The following C2orf81 variants were observed in gnomAD, a reference collection of about 807,000 sequenced individuals.
The protein encoded by C2orf81 is uncharacterized protein C2orf81.
In C2orf81, 5 loss-of-function variants were observed where a neutral mutation model predicts 7.9. The ratio of observed to expected loss-of-function variants is 0.63; its 90% confidence interval spans 0.33 to 1.33. The LOEUF (loss-of-function observed/expected upper bound fraction) is 1.33, where lower values mean the gene tolerates loss of function less well. Among genes scored for constraint, C2orf81 ranks in the 40% most tolerant of loss-of-function variants. The pLI is 0.05. For synonymous variants in C2orf81, 346 were observed against 367.4 expected, an observed-to-expected ratio of 0.94 and a Z score of 0.66; for missense variants, 781 against 830.4, an observed-to-expected ratio of 0.94 and a Z score of 0.73.
chr2:74,416,949 T>C (rs1318892104), intron 1 of C2orf81, among the ~76,000 whole-genome samples: 1 of 152,100 alleles, frequency 6.6e-6, no homozygotes, highest in Non-Finnish European at 1.5e-5. Flanking sequence ...CCCTACATGC[T>C]TTATGGTGGA....
Position 74,414,678 on chromosome 2 carries a change from C to A in C2orf81, c.1499G>T (p.Ser500Ile). ...ARSRSPKLWP[S>I]VRWPSGWEGK... ...CTCCCAACCGCTGGGCCACCTGACACTGGGCCACAGCTTGGGGCTGCGGCT... is the reference window on the plus strand; with the variant it reads ...CTCCCAACCGCTGGGCCACCTGACAATGGGCCACAGCTTGGGGCTGCGGCT... Residue 500 changes from serine (S) to isoleucine (I), a missense_variant, in exon 3 of 3, where the codon AGT (serine) becomes ATT (isoleucine). Ser to Ile is a moderately radical substitution (Grantham distance 142). Coordinates refer to ENST00000684111, the MANE Select transcript of C2orf81 (RefSeq NM_001316764.3). The surrounding 1 kb of genome is among the most constrained non-coding windows in gnomAD (Gnocchi z 5.3). The A allele has an allele frequency of 6.5e-7, 1 of 1,547,134 alleles. No individual in the cohort carries two copies. The highest frequency in any genetic ancestry group is 1.2e-5 in the South Asian group (1 of 83,472).
In C2orf81 at chr2:74,415,172, G is replaced by A. The variant is rs1676413862; in HGVS notation, c.1005C>T (p.Tyr335=). The change falls in exon 3 of 3, where the codon TAC becomes TAT. Residue 335 remains tyrosine (Y), a synonymous_variant. Coordinates refer to ENST00000684111, the MANE Select transcript of C2orf81 (RefSeq NM_001316764.3). The surrounding 1 kb of genome is among the most constrained non-coding windows in gnomAD (Gnocchi z 5.5). Reference sequence around the variant, plus strand: ...GGCGGGTGGCGCCGCCCACAGAGGGGTAGGACACCAACACGCCCGAGGCGA... The same window carrying A: ...GGCGGGTGGCGCCGCCCACAGAGGGATAGGACACCAACACGCCCGAGGCGA... The part of the protein sequence containing the change: ...PCIASGVLVS[Y]PSVGGATRPS... The A allele has an allele frequency of 1.3e-6, 2 of 1,545,218 alleles. No individual in the cohort carries two copies. The highest frequency in any genetic ancestry group is 2.7e-5 in the African/African-American group (2 of 72,854).
intron 1 of C2orf81, among the ~76,000 whole-genome samples, chr2:74,420,025 C>T (rs1014166107): frequency 5.3e-5 from 8 of 152,126 alleles, no homozygotes; most frequent in Non-Finnish European, 5.9e-5. Flanking sequence ...GCCCACCTTG[C>T]AGGCATGAGC....
At chr2:74,417,787 C>T in intron 1 of C2orf81, 1 of 522,050 alleles carries the variant, frequency 1.9e-6, no homozygotes, top group Non-Finnish European at 3.4e-6. Flanking sequence ...ACCAAAAGCC[C>T]AGAGAGCAAT....
rs1356568622 is a variant in C2orf81, at chr2:74,415,325, G to C, written c.852C>G (p.Pro284=). Residue 284 remains proline (P), a synonymous_variant, in exon 3 of 3, where the codon CCC becomes CCG. Transcript: ENST00000684111. This position sits in a 1 kb window ranked among gnomAD's most constrained non-coding sequence, Gnocchi z 5.5. ...GGTGTCCCCTCCCAGTTGAGGCCTG[G>C]GGGCTGGCTACCAGGTACGGATCCA... The part of the protein sequence containing the change: ...PSLDPYLVAS[P]QASTGRGHPL... 6.5e-7 allele frequency: 1 copy of C among 1,543,660 alleles called. No homozygotes were observed. The highest frequency in any genetic ancestry group is 2.0e-5 in the Admixed American group (1 of 50,114).
rs1676409010 is a variant in C2orf81, at chr2:74,415,089, T to C, written c.1088A>G (p.His363Arg). The change falls in exon 3 of 3, where the codon CAC becomes CGC. Residue 363 changes from histidine to arginine, a missense_variant. Transcript: ENST00000684111. The surrounding 1 kb of genome is among the most constrained non-coding windows in gnomAD (Gnocchi z 5.5). Reference protein sequence around the residue: ...AGHSDVRLSAHHHRMRRKAAV... With the variant: ...AGHSDVRLSARHHRMRRKAAV... ...CGCCTTGCGGCGCATCCTGTGGTGGTGGGCGCTCAGCCGCACATCCGAGTG... is the reference window on the plus strand; with the variant it reads ...CGCCTTGCGGCGCATCCTGTGGTGGCGGGCGCTCAGCCGCACATCCGAGTG... 6.5e-7 allele frequency: 1 copy of C among 1,547,660 alleles called. No homozygotes were observed. The highest frequency in any genetic ancestry group is 8.7e-7 in the Non-Finnish European group (1 of 1,145,428).
At chr2:74,419,227 A>G (rs1385412445) in intron 1 of C2orf81, among the ~76,000 whole-genome samples, 2 of 151,928 alleles carry the variant, frequency 1.3e-5, no homozygotes, top group East Asian at 3.9e-4. Flanking sequence ...AAGAAGAAAA[A>G]TGGCCAGGCA....
At chr2:74,417,109 G>A (rs916516343) in intron 1 of C2orf81, among the ~76,000 whole-genome samples, 10 of 152,230 alleles carry the variant, frequency 6.6e-5, no homozygotes, top group African/African-American at 2.2e-4. Flanking sequence ...AACATTTGGC[G>A]CTGCTAGCAG....
chr2:74,418,172 C>T, intron 1 of C2orf81: 1 of 1,132,666 alleles, frequency 8.8e-7, no homozygotes, highest in East Asian at 2.5e-5. Context: ...TCCTCCTTCT[C>T]CAGTTTTTTG....
chr2:74,414,873 A>G lies in C2orf81; in HGVS notation c.1304T>C (p.Phe435Ser), dbSNP rs754533234. Residue 435 changes from phenylalanine (F) to serine (S), a missense_variant, in exon 3 of 3, where the codon TTC becomes TCC. Phe to Ser is a radical substitution (Grantham distance 155). Transcript: ENST00000684111. This position sits in a 1 kb window ranked among gnomAD's most constrained non-coding sequence, Gnocchi z 5.3. ...GAAAGGAATGCCTGGCCGGAGAGGG[A>G]AGAACGCTGCCGGGGAGACACGGGT... ...PGTRVSPAAF[F>S]PLRPGIPFRD... 6.5e-7 allele frequency: 1 copy of G among 1,549,630 alleles called. No homozygotes were observed. Among genetic ancestry groups the G allele is most frequent in the Non-Finnish European group, 8.7e-7 (1 of 1,145,666 alleles).
rs1232687457 is a variant in C2orf81 at position 74,415,145 on chromosome 2, G to A, written c.1032C>T (p.Pro344=). ...CCCGCTGCTGCTGGCAGGACGCGGA[G>A]GGGCGGGTGGCGCCGCCCACAGAGG... ...SYPSVGGATR[P]SASCQQQRAG... Residue 344 remains proline, a synonymous_variant, in exon 3 of 3, where the codon CCC becomes CCT. Transcript: ENST00000684111. This position sits in a 1 kb window ranked among gnomAD's most constrained non-coding sequence, Gnocchi z 5.5. 3 of 1,537,798 alleles carry A rather than the reference G, an allele frequency of 2.0e-6. No individual in the cohort carries two copies. Among genetic ancestry groups the A allele is most frequent in the Middle Eastern group, 1.7e-4 (1 of 5,950 alleles).
rs2103828618 is a variant in C2orf81, at chr2:74,415,267, A to G, written c.910T>C (p.Tyr304His). ...GCGTCCAGTTGAGGCATGCAACAGT[A>G]GAGGTCTTCCAACGACAAATGGAAG... ...LGFHLSLEDLYCCMPQLDAAG... is the reference protein window; with the variant it reads ...LGFHLSLEDLHCCMPQLDAAG... The change falls in exon 3 of 3, where the codon TAC becomes CAC. Residue 304 changes from tyrosine to histidine, a missense_variant. Coordinates refer to ENST00000684111, the MANE Select transcript of C2orf81 (RefSeq NM_001316764.3). This position sits in a 1 kb window ranked among gnomAD's most constrained non-coding sequence, Gnocchi z 5.5. The G allele has an allele frequency of 3.2e-6, 5 of 1,551,404 alleles. No individual in the cohort carries two copies. The highest frequency in any genetic ancestry group is 2.6e-6 in the Non-Finnish European group (3 of 1,146,972).
At chr2:74,418,585 G>A in intron 1 of C2orf81, 1 of 651,162 alleles carries the variant, frequency 1.5e-6, no homozygotes, top group Admixed American at 2.4e-5. Context: ...AGCCGCCCCT[G>A]GTCGCAAATG....
chr2:74,414,976 G>A lies in C2orf81; in HGVS notation c.1201C>T (p.Pro401Ser). ...EVLVPDSQTRPLEAYRGRQRG... is the reference protein window; with the variant it reads ...EVLVPDSQTRSLEAYRGRQRG... ...TGGCGTCCGCGGTAGGCTTCCAAGG[G>A]GCGTGTTTGAGAGTCTGGGACCAGG... Residue 401 changes from proline (P) to serine (S), a missense_variant, in exon 3 of 3, where the codon CCC becomes TCC. Physicochemically the swap from Pro to Ser is moderately conservative, Grantham distance 74. Coordinates refer to ENST00000684111, the MANE Select transcript of C2orf81 (RefSeq NM_001316764.3). The surrounding 1 kb of genome is among the most constrained non-coding windows in gnomAD (Gnocchi z 5.3). 6.5e-7 allele frequency: 1 copy of A among 1,548,830 alleles called. No individual in the cohort carries two copies. Among genetic ancestry groups the A allele is most frequent in the Non-Finnish European group, 8.7e-7 (1 of 1,146,194 alleles).
rs1676422705 is a variant in C2orf81, at chr2:74,415,343, C to CGGATCCAGAGAAG, written c.821_833dup (p.Tyr279PhefsTer117). On this transcript the variant is annotated frameshift_variant, in exon 3 of 3. Coordinates refer to ENST00000684111, the MANE Select transcript of C2orf81 (RefSeq NM_001316764.3). LOFTEE classifies it low-confidence loss of function (END_TRUNC). The surrounding 1 kb of genome is among the most constrained non-coding windows in gnomAD (Gnocchi z 5.5). Reference sequence around the variant, plus strand: ...AGGCCTGGGGGCTGGCTACCAGGTACGGATCCAGAGAAGGGTCGGCATCGT... The same window carrying CGGATCCAGAGAAG: ...AGGCCTGGGGGCTGGCTACCAGGTACGGATCCAGAGAAGGGATCCAGAGAAGGGTCGGCATCGT... 1 of 1,532,928 alleles carries CGGATCCAGAGAAG rather than the reference C, an allele frequency of 6.5e-7. No homozygotes were observed. Among genetic ancestry groups the CGGATCCAGAGAAG allele is most frequent in the African/African-American group, 1.4e-5 (1 of 72,412 alleles). 95.0% of individuals were successfully genotyped at this position (1,532,928 alleles called of 1,614,324 possible).
At position 74,415,492 on chromosome 2, in the gene C2orf81, C is replaced by G. The variant is rs1463873289; in HGVS notation, c.685G>C (p.Glu229Gln). 3.9e-6 allele frequency: 6 copies of G among 1,542,856 alleles called. No individual in the cohort carries two copies. The highest frequency in any genetic ancestry group is 4.4e-6 in the Non-Finnish European group (5 of 1,140,494). The change falls in exon 3 of 3, where the codon GAG becomes CAG. Residue 229 changes from glutamate to glutamine, a missense_variant. Physicochemically the swap from Glu to Gln is conservative, Grantham distance 29. Transcript: ENST00000684111. The surrounding 1 kb of genome is among the most constrained non-coding windows in gnomAD (Gnocchi z 5.5). The stretch of plus-strand genomic sequence containing the variant: ...CCGGGCCCTGCCTCCTGAAACAGCT[C>G]TGATGTGGGAGGAGGGGCCGACGTG... ...RVTSAPPPTS[E>Q]LFQEAGPGGP... is the part of the protein sequence containing the mutation.
At chr2:74,416,294 A>G in intron 1 of C2orf81, 53 bp from the exon 2 acceptor site, 1 of 1,243,052 alleles carries the variant, frequency 8.0e-7, no homozygotes, top group Non-Finnish European at 1.1e-6. Context: ...GTGGAACGGA[A>G]GAGTAGCTAT....
chr2:74,415,669 C>A lies in C2orf81; in HGVS notation c.508G>T (p.Ala170Ser). The change falls in exon 3 of 3, where the codon GCT becomes TCT. Residue 170 changes from alanine to serine, a missense_variant. By Grantham distance (99) the Ala-to-Ser change is moderately conservative. Coordinates refer to ENST00000684111, the MANE Select transcript of C2orf81 (RefSeq NM_001316764.3). The surrounding 1 kb of genome is among the most constrained non-coding windows in gnomAD (Gnocchi z 5.5). Reference protein sequence around the residue: ...SGASPDSSAIAPALPFPTSHC... With the variant: ...SGASPDSSAISPALPFPTSHC... ...GATGTCGGAAAGGGGAGAGCAGGAG[C>A]AATGGCAGAGGAGTCCGGAGAGGCT... The A allele has an allele frequency of 6.4e-7, 1 of 1,551,358 alleles. No homozygotes were observed. The highest frequency in any genetic ancestry group is 8.7e-7 in the Non-Finnish European group (1 of 1,146,992).
chr2:74,415,073 G>A lies in C2orf81; in HGVS notation c.1104C>T (p.Arg368=), dbSNP rs1676408089. 1 of 1,548,020 alleles carries A rather than the reference G, an allele frequency of 6.5e-7. No homozygotes were observed. Among genetic ancestry groups the A allele is most frequent in the African/African-American group, 1.4e-5 (1 of 72,814 alleles). Reference sequence around the variant, plus strand: ...CCAGGCGTTTCACGGCCGCCTTGCGGCGCATCCTGTGGTGGTGGGCGCTCA... The same window carrying A: ...CCAGGCGTTTCACGGCCGCCTTGCGACGCATCCTGTGGTGGTGGGCGCTCA... ...VRLSAHHHRM[R]RKAAVKRLDP... Residue 368 remains arginine (R), a synonymous_variant, in exon 3 of 3, where the codon CGC becomes CGT. Transcript: ENST00000684111. The surrounding 1 kb of genome is among the most constrained non-coding windows in gnomAD (Gnocchi z 5.5).
Sources: allele counts gnomAD v4.1 joint callset (sites outside exome capture counted in the v4.1 genomes callset), GRCh38; gene constraint gnomAD v4.1.1; non-coding constraint Gnocchi (gnomAD v3.1); transcripts MANE v1.5; gene names NCBI Gene and HGNC (gene_info 2026-07-23, HGNC 2026-07-21).